The following PDE3B variants were observed in gnomAD, a reference collection of about 807,000 sequenced individuals.
PDE3B encodes cGMP-inhibited 3',5'-cyclic phosphodiesterase 3B.
Under a neutral mutation model 116.8 loss-of-function variants are expected in PDE3B, and 66 were observed. The ratio of observed to expected loss-of-function variants is 0.56; its 90% CI spans 0.46 to 0.69. The LOEUF is 0.69. Ranked by LOEUF, PDE3B falls within the 30% of genes least tolerant of loss-of-function variation. The pLI is 0.00. For missense variants in PDE3B, 1,384 were observed against 1,368.1 expected (o/e 1.01, Z -0.18); for synonymous variants, 595 against 533.6 (o/e 1.12, Z -1.59).
chr11:14,751,969 G>T (rs1487380555), intron 1 of PDE3B, among the ~76,000 whole-genome samples: 1 of 152,144 alleles, frequency 6.6e-6, no homozygotes, highest in African/African-American at 2.4e-5. Flanking sequence ...ATGCATCTTT[G>T]AAGTGGCAGT....
intron 1 of PDE3B, among the ~76,000 whole-genome samples, chr11:14,756,963 C>A (rs1202425054): frequency 1.8e-4 from 22 of 123,070 alleles, no homozygotes; most frequent in Middle Eastern, 9.3e-3. Context: ...TCCCCCCACC[C>A]CACCACAGTC....
At chr11:14,885,225 GCTTT>G in the PDE3B span, among the ~76,000 whole-genome samples, 1 of 152,214 alleles carries the variant, frequency 6.6e-6, no homozygotes, top group Admixed American at 6.5e-5. Context: ...GTCTGTTGCT[GCTTT>G]CTTCTTACCG....
chr11:14,657,884 A>G lies in PDE3B; in HGVS notation c.978+12831A>G, dbSNP rs187216471. On this transcript the variant is annotated intron_variant, in intron 1 of 15. Coordinates refer to ENST00000282096, the MANE Select transcript of PDE3B (RefSeq NM_000922.4). ...TTGAGAAGAGAGTGACAGATGAGAT[A>G]TCAGAATACTACCTGTATTCCTGAT... Among the ~76,000 whole-genome samples the G allele has an allele frequency of 1.4e-3, 217 of 152,362 alleles. 2 individuals carry two copies. The highest frequency in any genetic ancestry group is 2.8e-3 in the Non-Finnish European group (193 of 68,020).
At chr11:14,728,854 T>TCTGTA (rs1856384998) in intron 1 of PDE3B, among the ~76,000 whole-genome samples, 4 of 152,190 alleles carry the variant, frequency 2.6e-5, no homozygotes, top group African/African-American at 4.8e-5. Flanking sequence ...AACTGCATGT[T>TCTGTA]GACTCATTTA....
rs146111329 is a variant in PDE3B, at chr11:14,812,502, A to G, written c.1523-5681A>G. 1.9e-3 allele frequency among the ~76,000 whole-genome samples: 291 copies of G among 152,302 alleles called. 1 individual carries two copies. Among genetic ancestry groups the G allele is most frequent in the African/African-American group, 6.4e-3 (267 of 41,574 alleles). On this transcript the variant is annotated intron_variant, in intron 5 of 15. Transcript: ENST00000282096. Reference sequence around the variant, plus strand: ...GTGCTTTCTTGGGAAATTTATAGCAAAAAAAGAGAAAAATTAAAAATCTGT... The same window carrying G: ...GTGCTTTCTTGGGAAATTTATAGCAGAAAAAGAGAAAAATTAAAAATCTGT...
chr11:14,763,177 G>A (rs1857408169), intron 1 of PDE3B, among the ~76,000 whole-genome samples: 1 of 152,140 alleles, frequency 6.6e-6, no homozygotes, highest in Admixed American at 6.6e-5. Flanking sequence ...ATAGTGTCCA[G>A]TGAATTAGAA....
At chr11:14,697,082 C>T (rs1291806001) in intron 1 of PDE3B, among the ~76,000 whole-genome samples, 3 of 151,876 alleles carry the variant, frequency 2.0e-5, no homozygotes, top group African/African-American at 4.8e-5. Flanking sequence ...GACCACTGTG[C>T]ATGCCACCAT....
rs182466039 is a variant in PDE3B at position 14,806,234 on chromosome 11, T to C, written c.1522+2184T>C. On this transcript the variant is annotated intron_variant, in intron 5 of 15. Coordinates refer to ENST00000282096, the MANE Select transcript of PDE3B (RefSeq NM_000922.4). ...TTGGGAGGCCAAGGCAGGCGGATCA[T>C]GAGGTCAGGAGATCGAGACCATGGT... Among the ~76,000 whole-genome samples, 691 of 140,986 alleles carry C rather than the reference T, an allele frequency of 4.9e-3. 3 individuals are homozygous for C. The highest frequency in any genetic ancestry group is 0.016 in the African/African-American group (606 of 37,770). 92.5% of individuals were successfully genotyped at this position (140,986 alleles called of 152,430 possible).
intron 1 of PDE3B, among the ~76,000 whole-genome samples, chr11:14,739,907 AT>A (rs1362031617): frequency 6.6e-5 from 10 of 152,146 alleles, no homozygotes; most frequent in African/African-American, 2.2e-4. Context: ...GATTACATTT[AT>A]TGATTTGTGT....
chr11:14,754,684 C>CGCTT (rs1857139939), intron 1 of PDE3B, among the ~76,000 whole-genome samples: 1 of 152,016 alleles, frequency 6.6e-6, no homozygotes, highest in African/African-American at 2.4e-5. Flanking sequence ...GTGGGTGGAT[C>CGCTT]GCTTGAGCCC....
At chr11:14,772,914 T>C (rs910842513) in intron 2 of PDE3B, 1 of 152,008 alleles carries the variant, frequency 6.6e-6, no homozygotes, top group Non-Finnish European at 1.5e-5. Flanking sequence ...TATCTATGAA[T>C]AAAGACAGAT....
the PDE3B span, chr11:14,891,265 T>C: frequency 5.1e-6 from 5 of 985,130 alleles, no homozygotes; most frequent in Non-Finnish European, 6.0e-6. Flanking sequence ...GGTTATGAGT[T>C]TTAAATGAGT....
At chr11:14,813,863 A>G (rs1859234263) in intron 5 of PDE3B, among the ~76,000 whole-genome samples, 1 of 152,206 alleles carries the variant, frequency 6.6e-6, no homozygotes, top group Non-Finnish European at 1.5e-5. Context: ...CAAAAATCCT[A>G]AACAAAAAGT....
intron 11 of PDE3B, among the ~76,000 whole-genome samples, chr11:14,839,861 T>C (rs531915657): frequency 2.5e-4 from 38 of 152,218 alleles, no homozygotes; most frequent in African/African-American, 8.7e-4. Flanking sequence ...AGATGAGAGA[T>C]GAGAAAAATT....
At chr11:14,782,203 C>G (rs1266046672) in intron 2 of PDE3B, among the ~76,000 whole-genome samples, 1 of 152,094 alleles carries the variant, frequency 6.6e-6, no homozygotes, top group Non-Finnish European at 1.5e-5. Flanking sequence ...TTTATAGATT[C>G]AATGCCATCC....
chr11:14,897,721 A>T, the PDE3B span, among the ~76,000 whole-genome samples: 2 of 152,180 alleles, frequency 1.3e-5, no homozygotes, highest in African/African-American at 4.8e-5. Context: ...CTGGGCCTGC[A>T]GGAGATGGTC....
intron 15 of PDE3B, among the ~76,000 whole-genome samples, chr11:14,868,127 A>T (rs191410617): frequency 1.7e-4 from 26 of 152,308 alleles, no homozygotes; most frequent in African/African-American, 6.3e-4. Context: ...TGTTTTGAGT[A>T]ACTTCTATAT....
downstream of PDE3B, chr11:14,872,065 T>A (rs954625122): frequency 2.0e-5 from 3 of 152,224 alleles, no homozygotes; most frequent in Non-Finnish European, 4.4e-5. Flanking sequence ...TGAAAGCTGT[T>A]TCCTGCTATT....
At chr11:14,736,496 C>T (rs1319965061) in intron 1 of PDE3B, among the ~76,000 whole-genome samples, 1 of 152,106 alleles carries the variant, frequency 6.6e-6, no homozygotes, top group Non-Finnish European at 1.5e-5. Flanking sequence ...AAGAGTATAA[C>T]TAAAGTTGCC....
Sources: gnomAD v4.1 joint callset for allele counts (sites outside exome capture counted in the v4.1 genomes callset) on GRCh38, gnomAD v4.1.1 for gene constraint, MANE v1.5 for transcripts, NCBI Gene and HGNC (gene_info 2026-07-23, HGNC 2026-07-21) for gene names.